RBPMS: variants seen among roughly 807,000 people sequenced by gnomAD.
RBPMS encodes the protein RNA binding protein, mRNA processing factor, also known as RNA-binding protein with multiple splicing.
In RBPMS, 7 loss-of-function variants were observed where a neutral mutation model predicts 26.8. The observed-to-expected ratio is 0.26, with a 90% CI of 0.15 to 0.49. The LOEUF (loss-of-function observed/expected upper bound fraction) is 0.49, where lower values mean the gene tolerates loss of function less well. Ranked by LOEUF, RBPMS falls within the 20% of genes least tolerant of loss-of-function variation. The pLI, the probability that RBPMS is intolerant of heterozygous loss-of-function variation, is 0.98. For synonymous variants in RBPMS, 96 were observed against 93.3 expected, an observed-to-expected ratio of 1.03 and a Z score of -0.17; for missense variants, 186 against 250.0, an observed-to-expected ratio of 0.74 and a Z score of 1.73.
At chr8:30,538,806 C>G (rs980326067) in intron 5 of RBPMS, among the ~76,000 whole-genome samples, 12 of 152,168 alleles carry the variant, frequency 7.9e-5, no homozygotes, top group Admixed American at 3.9e-4. Flanking sequence ...GCCTTTGTCT[C>G]AAGATTCCTA....
At chr8:30,566,961 T>C (rs751825727) in intron 8 of RBPMS, among the ~76,000 whole-genome samples, 1 of 152,186 alleles carries the variant, frequency 6.6e-6, no homozygotes, top group Non-Finnish European at 1.5e-5. Context: ...TCAGTCGGTA[T>C]CACCTGTCAC....
chr8:30,541,794 C>T (rs1825415227), intron 5 of RBPMS, among the ~76,000 whole-genome samples: 1 of 152,188 alleles, frequency 6.6e-6, no homozygotes, highest in East Asian at 1.9e-4. Context: ...AGTGGGGAGT[C>T]CTTGTGAAGG....
chr8:30,519,141 C>T (rs1051886772), intron 5 of RBPMS, among the ~76,000 whole-genome samples: 1 of 152,138 alleles, frequency 6.6e-6, no homozygotes, highest in Non-Finnish European at 1.5e-5. Flanking sequence ...TTTAAAGCCA[C>T]AATACAGAAG....
chr8:30,477,622 A>G (rs1817836448), intron 2 of RBPMS, among the ~76,000 whole-genome samples, 177 bp from the exon 3 acceptor site: 1 of 11,050 alleles, frequency 9.0e-5, no homozygotes, highest in Non-Finnish European at 1.8e-4. Context: ...CAAGAATGCA[A>G]ACAGGTGTGT....
chr8:30,478,132 T>A (rs1439537687), intron 3 of RBPMS, among the ~76,000 whole-genome samples: 1 of 152,204 alleles, frequency 6.6e-6, no homozygotes, highest in Non-Finnish European at 1.5e-5. Context: ...TATTCCCAAG[T>A]CTTTCCCATT....
chr8:30,549,794 C>CTCTCTCTCTCTCTCTCTCT (rs1246392654), intron 6 of RBPMS, among the ~76,000 whole-genome samples: 2 of 103,898 alleles, frequency 1.9e-5, no homozygotes, highest in African/African-American at 9.1e-5. Context: ...CTCTCTCTCT[C>CTCTCTCTCTCTCTCTCTCT]TCCCCTCTCT....
chr8:30,450,857 A>C (rs1340774887), intron 1 of RBPMS, among the ~76,000 whole-genome samples: 1 of 151,806 alleles, frequency 6.6e-6, no homozygotes, highest in Non-Finnish European at 1.5e-5. Flanking sequence ...AAAAATAAAG[A>C]AGCTTCAGAA....
In RBPMS at chr8:30,451,878, G is replaced by A. The variant is rs190261848; in HGVS notation, c.67-22901G>A. On this transcript the variant is annotated intron_variant, in intron 1 of 8. Transcript: ENST00000397323. ...AGTGTTATTCCAGGCATTGTCATTA[G>A]CCCGAAACCATCATATAATGATTGT... Among the ~76,000 whole-genome samples, 3 of 152,278 alleles carry A rather than the reference G, an allele frequency of 2.0e-5. No homozygotes were observed. The East Asian group carries it at 5.8e-4, about 29-fold the overall frequency.
intron 7 of RBPMS, chr8:30,564,908 TGGA>T (rs1273512869): frequency 6.6e-6 from 1 of 151,938 alleles, no homozygotes; most frequent in Non-Finnish European, 1.5e-5. Flanking sequence ...CCTGGGGACA[TGGA>T]GGAGAGGGAG....
chr8:30,494,601 C>T (rs1369510351), intron 4 of RBPMS, among the ~76,000 whole-genome samples: 1 of 152,236 alleles, frequency 6.6e-6, no homozygotes, highest in Non-Finnish European at 1.5e-5. Context: ...TAAATCCACA[C>T]TCCCGATTCT....
intron 5 of RBPMS, among the ~76,000 whole-genome samples, chr8:30,533,805 A>T (rs1413758683): frequency 2.0e-5 from 3 of 152,184 alleles, no homozygotes; most frequent in Non-Finnish European, 4.4e-5. Context: ...TCCCCCCACC[A>T]GAATGCCAGG....
chr8:30,440,892 CAAGGG>C (rs910345772), intron 1 of RBPMS, among the ~76,000 whole-genome samples: 12 of 151,668 alleles, frequency 7.9e-5, no homozygotes, highest in African/African-American at 2.9e-4. Flanking sequence ...CTCTTGGGCT[CAAGGG>C]ATCCTCCTGC....
At chr8:30,497,854 C>G (rs1278483115) in intron 4 of RBPMS, among the ~76,000 whole-genome samples, 1 of 151,760 alleles carries the variant, frequency 6.6e-6, no homozygotes, top group Admixed American at 6.6e-5. Context: ...GATCTCCTGA[C>G]CTTGTGATCT....
intron 1 of RBPMS, among the ~76,000 whole-genome samples, chr8:30,408,820 G>GA (rs1808950587): frequency 6.6e-6 from 1 of 152,086 alleles, no homozygotes; most frequent in African/African-American, 2.4e-5. Context: ...GTCAACCCCT[G>GA]AAAAAAATCC....
chr8:30,420,620 A>T (rs562892128), intron 1 of RBPMS, among the ~76,000 whole-genome samples: 35 of 152,344 alleles, frequency 2.3e-4, no homozygotes, highest in Middle Eastern at 3.4e-3. Context: ...GACTGATTGC[A>T]TGTGATTCTA....
chr8:30,435,768 T>C (rs1404999781), intron 1 of RBPMS, among the ~76,000 whole-genome samples: 2 of 152,122 alleles, frequency 1.3e-5, no homozygotes, highest in East Asian at 3.9e-4. Flanking sequence ...CAAAGATAAA[T>C]CAGTGACTGG....
chr8:30,527,137 T>C (rs1228713287), intron 5 of RBPMS, among the ~76,000 whole-genome samples: 1 of 152,196 alleles, frequency 6.6e-6, no homozygotes, highest in Non-Finnish European at 1.5e-5. Context: ...AGATACTCTG[T>C]TGTGGGAAGT....
intron 5 of RBPMS, among the ~76,000 whole-genome samples, chr8:30,509,239 T>G (rs980154862): frequency 6.6e-6 from 1 of 152,184 alleles, no homozygotes; most frequent in African/African-American, 2.4e-5. Context: ...CCCTGCACCT[T>G]TCTTCCTTCC....
At chr8:30,391,598 A>C (rs1807799621) in intron 1 of RBPMS, among the ~76,000 whole-genome samples, 1 of 152,242 alleles carries the variant, frequency 6.6e-6, no homozygotes, top group South Asian at 2.1e-4. Context: ...TGAACAAGTC[A>C]GTTCCATGCC....
Sources: allele counts gnomAD v4.1 joint callset (sites outside exome capture counted in the v4.1 genomes callset), GRCh38; gene constraint gnomAD v4.1.1; transcripts MANE v1.5; gene names NCBI Gene and HGNC (gene_info 2026-07-23, HGNC 2026-07-21).